PTPN12: variants seen among roughly 807,000 people sequenced by gnomAD.
PTPN12 encodes the protein protein tyrosine phosphatase non-receptor type 12.
Under a neutral mutation model 97.6 loss-of-function variants are expected in PTPN12, and 29 were observed. The ratio of observed to expected loss-of-function variants is 0.30; its 90% CI spans 0.22 to 0.41. The LOEUF (loss-of-function observed/expected upper bound fraction) is 0.41, where lower values mean the gene tolerates loss of function less well. PTPN12 is among the 10% of genes least tolerant of loss of function. The pLI, the probability that PTPN12 is intolerant of heterozygous loss-of-function variation, is 1.00. For synonymous variants in PTPN12, 327 were observed against 300.4 expected (o/e 1.09, Z -0.91); for missense variants, 819 against 926.0 (o/e 0.88, Z 1.50).
Position 77,539,905 on chromosome 7 carries a change from C to G in PTPN12, c.99+2260C>G, listed in dbSNP as rs560644025. On this transcript the variant is annotated intron_variant, in intron 1 of 17. Transcript: ENST00000248594. ...ATATTTGCAGGCTGCTCTCGAACTC[C>G]TCATCTCAAGTGATCCATCTGCTTT... is the stretch of plus-strand genomic sequence containing the variant. Among the ~76,000 whole-genome samples the G allele has an allele frequency of 4.6e-5, 7 of 152,320 alleles. No individual in the cohort carries two copies. In the South Asian group the frequency reaches 1.4e-3, roughly 32 times the overall value.
At chr7:77,565,570 T>G (rs1808224152) in intron 1 of PTPN12, among the ~76,000 whole-genome samples, 1 of 152,192 alleles carries the variant, frequency 6.6e-6, no homozygotes, top group Admixed American at 6.5e-5. Context: ...TCTGGAGAGA[T>G]TTAACAAACT....
Position 77,583,642 on chromosome 7 carries a change from A to C in PTPN12, c.373A>C (p.Asn125His). ...IDFWRMIWEYNVVIIVMACRE... is the reference protein window; with the variant it reads ...IDFWRMIWEYHVVIIVMACRE... ...TTTTTGGAGGATGATATGGGAGTAT[A>C]ATGTTGTGGTAAGTAATTTACTTTT... Residue 125 changes from asparagine (N) to histidine (H), a missense_variant, in exon 4 of 18, where the codon AAT (asparagine) becomes CAT (histidine). Physicochemically the swap from Asn to His is moderately conservative, Grantham distance 68. Transcript: ENST00000248594. The C allele has an allele frequency of 6.3e-7, 1 of 1,577,316 alleles. No individual in the cohort carries two copies. Among genetic ancestry groups the C allele is most frequent in the African/African-American group, 1.4e-5 (1 of 73,978 alleles).
Position 77,638,900 on chromosome 7 carries a change from A to G in PTPN12, c.2281+169A>G, listed in dbSNP as rs1182946761. On this transcript the variant is annotated intron_variant, in intron 17 of 17. Coordinates refer to ENST00000248594, the MANE Select transcript of PTPN12 (RefSeq NM_002835.4). ...ATACTTAATTCTATTTCACATTGAG[A>G]TTAAAAACTAAAATAGAAAACTGCA... 7.6e-6 allele frequency: 9 copies of G among 1,177,116 alleles called. No homozygotes were observed. The Middle Eastern group carries it at 1.2e-3, about 160-fold the overall frequency. 72.9% of individuals were successfully genotyped at this position (1,177,116 alleles called of 1,614,324 possible). A position where few individuals can be genotyped will look rare whatever the true frequency, so the allele number is the denominator to read the frequency against.
At chr7:77,556,960 G>A (rs1321269998) in intron 1 of PTPN12, among the ~76,000 whole-genome samples, 1 of 149,390 alleles carries the variant, frequency 6.7e-6, no homozygotes, top group Non-Finnish European at 1.5e-5. Flanking sequence ...GTTTTTGTTT[G>A]TTTGTTTGTT....
chr7:77,585,600 TCTTA>T lies in PTPN12; in HGVS notation c.420+22_420+25del, dbSNP rs1210972592. On this transcript the variant is annotated intron_variant, in intron 5 of 17. Coordinates refer to ENST00000248594, the MANE Select transcript of PTPN12 (RefSeq NM_002835.4). ...GGGAAGGGTATGTATAATCTATTCCTCTTACTATTTCATTTTTACGGATAAATAT... is the reference window on the plus strand; with the variant it reads ...GGGAAGGGTATGTATAATCTATTCCTCTATTTCATTTTTACGGATAAATAT... 1.9e-6 allele frequency: 3 copies of T among 1,567,130 alleles called. No homozygotes were observed. Among genetic ancestry groups the T allele is most frequent in the Middle Eastern group, 1.7e-4 (1 of 5,966 alleles).
chr7:77,537,669 C>G lies in PTPN12; in HGVS notation c.99+24C>G, dbSNP rs374049327. 5 of 1,566,124 alleles carry G rather than the reference C, an allele frequency of 3.2e-6. No homozygotes were observed. In the African/African-American group the frequency reaches 5.6e-5, roughly 17 times the overall value. ...TGGTGAGTCTCTCCCCTCGCTGTCG[C>G]GTTTTCTTGCCGGCGCCGGAGCCCA... On this transcript the variant is annotated intron_variant, in intron 1 of 17. Transcript: ENST00000248594.
intron 12 of PTPN12, 26 bp from the exon 13 acceptor site, chr7:77,626,679 G>T (rs772286571): frequency 1.3e-6 from 2 of 1,564,844 alleles, no homozygotes; most frequent in Non-Finnish European, 1.7e-6. Context: ...GTCTTAAAAT[G>T]CCCTTTTTAA....
At chr7:77,546,480 T>C (rs1807224777) in intron 1 of PTPN12, among the ~76,000 whole-genome samples, 1 of 152,348 alleles carries the variant, frequency 6.6e-6, no homozygotes, top group Non-Finnish European at 1.5e-5. Flanking sequence ...TATTTAAGTT[T>C]CTTTAGATTC....
chr7:77,626,842 A>C lies in PTPN12; in HGVS notation c.1163A>C (p.His388Pro). 6.2e-7 allele frequency: 1 copy of C among 1,614,058 alleles called. No homozygotes were observed. Among genetic ancestry groups the C allele is most frequent in the Non-Finnish European group, 8.5e-7 (1 of 1,179,928 alleles). ...TTVWQDNDRYHPKPVLHMVSS... is the reference protein window; with the variant it reads ...TTVWQDNDRYPPKPVLHMVSS... Reference sequence around the variant, plus strand: ...GTGTGGCAGGACAATGATAGATACCATCCAAAGCCAGTGTTGCATATGGTT... The same window carrying C: ...GTGTGGCAGGACAATGATAGATACCCTCCAAAGCCAGTGTTGCATATGGTT... The change falls in exon 13 of 18, where the codon CAT (histidine) becomes CCT (proline). Residue 388 changes from histidine (H) to proline (P), a missense_variant. His to Pro is a moderately conservative substitution (Grantham distance 77). Transcript: ENST00000248594.
intron 1 of PTPN12, among the ~76,000 whole-genome samples, chr7:77,549,284 T>C (rs1310153941): frequency 6.6e-6 from 1 of 152,152 alleles, no homozygotes; most frequent in Admixed American, 6.5e-5. Context: ...TTTACTATTT[T>C]AAGGTTTCAG....
intron 1 of PTPN12, among the ~76,000 whole-genome samples, chr7:77,555,899 G>A (rs532839462): frequency 3.9e-5 from 6 of 151,930 alleles, no homozygotes; most frequent in Non-Finnish European, 5.9e-5. Context: ...TGGGCGACAG[G>A]GCGAGACTCC....
intron 2 of PTPN12, among the ~76,000 whole-genome samples, chr7:77,573,961 A>G (rs1414188996): frequency 6.6e-6 from 1 of 152,158 alleles, no homozygotes; most frequent in African/African-American, 2.4e-5. Context: ...TGGTTTCACC[A>G]TGTTGGCCAG....
chr7:77,539,217 A>G (rs1287469753), intron 1 of PTPN12, among the ~76,000 whole-genome samples: 2 of 152,214 alleles, frequency 1.3e-5, no homozygotes, highest in East Asian at 1.9e-4. Flanking sequence ...ACAGTATTAT[A>G]CTAGCATCGT....
At chr7:77,564,015 C>A in intron 1 of PTPN12, 1 of 362,922 alleles carries the variant, frequency 2.8e-6, no homozygotes, top group South Asian at 2.0e-5. Context: ...GTAGCTGGGA[C>A]TACGGGCACA....
rs902226367 is a variant in PTPN12 at position 77,557,782 on chromosome 7, C to A, written c.100-13296C>A. ...TATGATAATTACCAGAAGACAAATGCAAATAAGTGCTGAACACAGGAAAAA... is the reference window on the plus strand; with the variant it reads ...TATGATAATTACCAGAAGACAAATGAAAATAAGTGCTGAACACAGGAAAAA... On this transcript the variant is annotated intron_variant, in intron 1 of 17. Coordinates refer to ENST00000248594, the MANE Select transcript of PTPN12 (RefSeq NM_002835.4). Among the ~76,000 whole-genome samples, 9 of 151,958 alleles carry A rather than the reference C, an allele frequency of 5.9e-5. 1 individual carries two copies. Among genetic ancestry groups the A allele is most frequent in the African/African-American group, 2.2e-4 (9 of 41,332 alleles).
chr7:77,612,296 T>G (rs1788596793), intron 11 of PTPN12, among the ~76,000 whole-genome samples: 1 of 152,208 alleles, frequency 6.6e-6, no homozygotes, highest in South Asian at 2.1e-4. Context: ...TTATGTGACA[T>G]CGTTCTTATT....
Position 77,573,087 on chromosome 7 carries a change from A to AAAAAAAC in PTPN12, c.208+1907_208+1908insCAAAAAA, listed in dbSNP as rs1562720748. On this transcript the variant is annotated intron_variant, in intron 2 of 17. Transcript: ENST00000248594. ...GACAGAGTAAGACTCTATCTCAAAAAAAAAAAAAACAAAAAAACAAAAAAA... is the reference window on the plus strand; with the variant it reads ...GACAGAGTAAGACTCTATCTCAAAAAAAAAAACAAAAAAAAACAAAAAAACAAAAAAA... Among the ~76,000 whole-genome samples the AAAAAAAC allele has an allele frequency of 6.6e-5, 7 of 106,670 alleles. 2 individuals are homozygous for AAAAAAAC. The highest frequency in any genetic ancestry group is 4.7e-3 in the Middle Eastern group (1 of 212). The allele number at this position is 106,670 out of a possible 152,430, so 70.0% of individuals were successfully genotyped here.
At chr7:77,574,811 T>G (rs1787286411) in intron 2 of PTPN12, among the ~76,000 whole-genome samples, 1 of 152,110 alleles carries the variant, frequency 6.6e-6, no homozygotes, top group Admixed American at 6.6e-5. Context: ...CCAGTAAATT[T>G]CTAGTTATTT....
At chr7:77,562,623 T>C (rs1339783094) in intron 1 of PTPN12, among the ~76,000 whole-genome samples, 1 of 152,164 alleles carries the variant, frequency 6.6e-6, no homozygotes, top group Non-Finnish European at 1.5e-5. Flanking sequence ...GGAACATCAG[T>C]GGAACCAGCG....
Sources: allele counts gnomAD v4.1 joint callset (sites outside exome capture counted in the v4.1 genomes callset), GRCh38; gene constraint gnomAD v4.1.1; transcripts MANE v1.5; gene names NCBI Gene and HGNC (gene_info 2026-07-23, HGNC 2026-07-21).